Variants in MIOS observed in about 807,000 individuals in gnomAD.
MIOS encodes GATOR2 complex protein MIOS.
Under a neutral mutation model 96.9 loss-of-function variants are expected in MIOS, and 52 were observed. The observed-to-expected ratio is 0.54, with a 90% CI of 0.43 to 0.68. The LOEUF is 0.68. Ranked by LOEUF, MIOS falls within the 30% of genes least tolerant of loss-of-function variation. The pLI is 0.00. For missense variants in MIOS, 1,005 were observed against 1,052.8 expected (o/e 0.95, Z 0.63); for synonymous variants, 397 against 359.5 (o/e 1.10, Z -1.18).
rs377331148 is a variant in MIOS at position 7,583,314 on chromosome 7, C to A, written c.1590C>A (p.Phe530Leu). ...EWERAAAVAL[F>L]NLDIRRAIQI... is the part of the protein sequence containing the mutation. ...AAAGAGCTGCTGCTGTGGCATTGTT[C>A]AACTTGGATATTCGCCGAGCAATCC... Residue 530 changes from phenylalanine (F) to leucine (L), a missense_variant, in exon 6 of 13, where the codon TTC becomes TTA. Physicochemically the swap from Phe to Leu is conservative, Grantham distance 22. Around this residue, in one of 3 missense-constraint regions of MIOS, gnomAD observed 865 missense variants for 887.9 expected, o/e 0.97. Coordinates refer to ENST00000340080, the MANE Select transcript of MIOS (RefSeq NM_019005.4). 3.1e-6 allele frequency: 5 copies of A among 1,613,754 alleles called. No individual in the cohort carries two copies. The highest frequency in any genetic ancestry group is 4.2e-6 in the Non-Finnish European group (5 of 1,179,880).
At chr7:7,579,290 A>G (rs1463949751) in intron 5 of MIOS, among the ~76,000 whole-genome samples, 3 of 152,228 alleles carry the variant, frequency 2.0e-5, no homozygotes, top group East Asian at 3.8e-4. Context: ...AAGATCTCTA[A>G]GCAGAAAAAA....
intron 3 of MIOS, among the ~76,000 whole-genome samples, chr7:7,571,902 T>G (rs1389506857): frequency 2.0e-5 from 3 of 152,242 alleles, no homozygotes; most frequent in African/African-American, 7.2e-5. Flanking sequence ...ATATTAAAAT[T>G]TGTTAAAATT....
At chr7:7,578,991 A>G (rs1971649) in intron 5 of MIOS, among the ~76,000 whole-genome samples, 88,738 of 152,098 alleles carry the variant, frequency 0.58, 28,266 homozygotes, top group Admixed American at 0.72. Flanking sequence ...GATTACAGGC[A>G]TGAGCCATCG....
At chr7:7,590,425 T>A (rs1371597674) in intron 9 of MIOS, among the ~76,000 whole-genome samples, 1 of 152,238 alleles carries the variant, frequency 6.6e-6, no homozygotes, top group Non-Finnish European at 1.5e-5. Context: ...TGTAGATGGC[T>A]ACAGAGTGCA....
In MIOS at chr7:7,588,683, ATGG is replaced by A. The variant is rs1414337944; in HGVS notation, c.1884+122_1884+124del. On this transcript the variant is annotated intron_variant, in intron 8 of 12. Transcript: ENST00000340080. Reference sequence around the variant, plus strand: ...TGATAAGCTAATTCTTCTAAAAAGTATGGTAAGAATTTATTAGATAAAAATATT... The same window carrying A: ...TGATAAGCTAATTCTTCTAAAAAGTATAAGAATTTATTAGATAAAAATATT... The A allele has an allele frequency of 5.8e-6, 3 of 517,342 alleles. 1 individual carries two copies. The South Asian group carries it at 2.2e-4, about 39-fold the overall frequency. 32.0% of individuals were successfully genotyped at this position (517,342 alleles called of 1,614,324 possible).
Position 7,608,463 on chromosome 7 carries a change from T to G in MIOS, c.*1371T>G, listed in dbSNP as rs1022547507. 2.4e-4 allele frequency: 37 copies of G among 152,086 alleles called. No individual in the cohort carries two copies. Among genetic ancestry groups the G allele is most frequent in the African/African-American group, 8.9e-4 (37 of 41,454 alleles). The allele number at this position is 152,086 out of a possible 1,614,324, so 9.4% of individuals were successfully genotyped here. ...TTTTTTACCTTGAGTGTCTGATACA[T>G]AAAACCCTTTTCTAGGAAAACATTG... On this transcript the variant is annotated 3_prime_UTR_variant, in exon 13 of 13. Transcript: ENST00000340080.
intron 11 of MIOS, 59 bp from the exon 12 acceptor site, chr7:7,605,879 TGAAA>T: frequency 6.8e-7 from 1 of 1,472,914 alleles, no homozygotes; most frequent in Admixed American, 2.1e-5. Context: ...AAATGCTTTT[TGAAA>T]GTAACTTTAA....
chr7:7,571,301 T>C (rs1207155315), intron 3 of MIOS, among the ~76,000 whole-genome samples: 1 of 152,254 alleles, frequency 6.6e-6, no homozygotes, highest in African/African-American at 2.4e-5. Context: ...CTTCTACTGC[T>C]AGAATATTTA....
chr7:7,582,156 T>C (rs554872373), intron 5 of MIOS, among the ~76,000 whole-genome samples: 1 of 152,300 alleles, frequency 6.6e-6, no homozygotes, highest in East Asian at 1.9e-4. Context: ...TGTATGTAAA[T>C]ATATAAATAT....
intron 9 of MIOS, among the ~76,000 whole-genome samples, chr7:7,594,196 A>T (rs1413372393): frequency 6.6e-6 from 1 of 152,198 alleles, no homozygotes; most frequent in East Asian, 1.9e-4. Context: ...GGTTTAACTT[A>T]CAGATAAGTA....
chr7:7,596,753 C>G (rs1267507077), intron 11 of MIOS, among the ~76,000 whole-genome samples: 1 of 152,132 alleles, frequency 6.6e-6, no homozygotes, highest in African/African-American at 2.4e-5. Context: ...ATCACTGTTT[C>G]CACTAAGAGG....
intron 11 of MIOS, 161 bp from the exon 12 acceptor site, chr7:7,605,781 T>C: frequency 1.7e-6 from 1 of 585,728 alleles, no homozygotes. Context: ...GCTTCTGTCA[T>C]TCAGTTTCGC....
intron 4 of MIOS, 75 bp from the exon 5 acceptor site, chr7:7,574,023 G>T: frequency 1.7e-6 from 2 of 1,189,002 alleles, no homozygotes; most frequent in Non-Finnish European, 2.4e-6. Flanking sequence ...ATTATGAATT[G>T]GCTCCAAATC....
At chr7:7,589,709 T>G in intron 9 of MIOS, 146 bp downstream of exon 9, 1 of 817,988 alleles carries the variant, frequency 1.2e-6, no homozygotes, top group African/African-American at 1.7e-5. Flanking sequence ...TACTGAAGAC[T>G]TGTGCCTTAT....
chr7:7,573,390 TG>T lies in MIOS; in HGVS notation c.919del (p.Asp307MetfsTer7). The T allele has an allele frequency of 6.2e-7, 1 of 1,614,106 alleles. No individual in the cohort carries two copies. Among genetic ancestry groups the T allele is most frequent in the Non-Finnish European group, 8.5e-7 (1 of 1,179,960 alleles). On this transcript the variant is annotated frameshift_variant, in exon 4 of 13. Transcript: ENST00000340080. LOFTEE classifies it high-confidence loss of function. The surrounding 1 kb of genome is among the most constrained non-coding windows in gnomAD (Gnocchi z 5.0). Reference sequence around the variant, plus strand: ...ATATGCAGCATACACCCACTCCCATTGGGGATGAAACTGAACCCACAATAAT... The same window carrying T: ...ATATGCAGCATACACCCACTCCCATTGGGATGAAACTGAACCCACAATAAT... ...YDMQHTPTPI[G>X]DETEPTIIER...
In MIOS at chr7:7,590,131, C is replaced by G. The variant is rs982014662; in HGVS notation, c.2043+568C>G. Reference sequence around the variant, plus strand: ...TATTCTCCTGAGATTTCCTGTAGCCCTCCAGTTGATCTTATCCTTACATGA... The same window carrying G: ...TATTCTCCTGAGATTTCCTGTAGCCGTCCAGTTGATCTTATCCTTACATGA... On this transcript the variant is annotated intron_variant, in intron 9 of 12. Transcript: ENST00000340080. 5.3e-5 allele frequency among the ~76,000 whole-genome samples: 8 copies of G among 152,206 alleles called. No individual in the cohort carries two copies. In the East Asian group the frequency reaches 1.5e-3, roughly 29 times the overall value.
At chr7:7,597,317 C>G (rs1020262727) in intron 11 of MIOS, among the ~76,000 whole-genome samples, 5 of 113,936 alleles carry the variant, frequency 4.4e-5, no homozygotes, top group African/African-American at 1.7e-4. Flanking sequence ...CAGAGCAAGA[C>G]TCTGTCCTAA....
At position 7,594,994 on chromosome 7, in the gene MIOS, T is replaced by C. The variant is rs1784162896; in HGVS notation, c.2058T>C (p.Asp686=). ...SYCMLQGSPL[D]VLKDERVQYW... is the part of the protein sequence containing the mutation. The stretch of plus-strand genomic sequence containing the variant: ...TTTCGTTTTAGGGTTCACCTTTAGA[T>C]GTTCTTAAAGATGAAAGGGTTCAGT... The change falls in exon 10 of 13, where the codon GAT becomes GAC. Residue 686 remains aspartate, a synonymous_variant. Transcript: ENST00000340080. The C allele has an allele frequency of 1.2e-6, 2 of 1,605,688 alleles. No homozygotes were observed. The highest frequency in any genetic ancestry group is 3.4e-5 in the Admixed American group (2 of 58,102).
chr7:7,594,875 A>AC, intron 9 of MIOS, 105 bp from the exon 10 acceptor site: 1 of 811,730 alleles, frequency 1.2e-6, no homozygotes, highest in Non-Finnish European at 1.7e-6. Context: ...AAAAAAAAAA[A>AC]AAGGCCTATT....
Sources: gnomAD v4.1 joint callset for allele counts (sites outside exome capture counted in the v4.1 genomes callset) on GRCh38, gnomAD v4.1.1 for gene constraint, gnomAD v4.1.1 regional missense constraint, Gnocchi (gnomAD v3.1) non-coding constraint, MANE v1.5 for transcripts, NCBI Gene and HGNC (gene_info 2026-07-23, HGNC 2026-07-21) for gene names.